The following PLCH1 variants were observed in gnomAD, a reference collection of about 807,000 sequenced individuals.
PLCH1 encodes phospholipase C eta 1.
In PLCH1, 60 loss-of-function variants were observed where a neutral mutation model predicts 126.7. That is an observed-to-expected ratio of 0.47 (90% CI 0.38 to 0.59). The LOEUF is 0.59. Ranked by LOEUF, PLCH1 falls within the 20% of genes least tolerant of loss-of-function variation. PLCH1 has a pLI of 0.00. For synonymous variants in PLCH1, 719 were observed against 734.9 expected, an observed-to-expected ratio of 0.98 and a Z score of 0.35; for missense variants, 1,723 against 2,040.0, an observed-to-expected ratio of 0.84 and a Z score of 2.99.
rs562367273 is a variant in PLCH1, at chr3:155,664,633, G to A, written c.79+39513C>T. The stretch of plus-strand genomic sequence containing the variant: ...ACTGACTGAATTTGGCCCACAGGGC[G>A]TAGTTTGCCAACTCTTGGTATTCAG... On this transcript the variant is annotated intron_variant, in intron 2 of 22. Coordinates refer to ENST00000460012, the MANE Select transcript of PLCH1 (RefSeq NM_014996.4). 3.9e-5 allele frequency among the ~76,000 whole-genome samples: 6 copies of A among 152,282 alleles called. No individual in the cohort carries two copies. The East Asian group carries it at 5.8e-4, about 15-fold the overall frequency.
chr3:155,635,604 T>C (rs1393592120), intron 2 of PLCH1, among the ~76,000 whole-genome samples: 2 of 152,222 alleles, frequency 1.3e-5, no homozygotes, highest in Admixed American at 6.5e-5. Flanking sequence ...GACATATGCT[T>C]CTTCTTAAAC....
intron 19 of PLCH1, 37 bp downstream of exon 19, chr3:155,490,747 A>T: frequency 8.9e-7 from 1 of 1,122,784 alleles, no homozygotes; most frequent in Non-Finnish European, 1.4e-6. Flanking sequence ...TTTCTAGACC[A>T]TCTTCATTAA....
intron 2 of PLCH1, among the ~76,000 whole-genome samples, chr3:155,604,229 A>C (rs1734090773): frequency 6.6e-6 from 1 of 152,156 alleles, no homozygotes; most frequent in African/African-American, 2.4e-5. Context: ...AAATGGCTTC[A>C]CTTAAAAAGC....
chr3:155,689,899 AAAGATATC>A (rs1745244253), intron 2 of PLCH1, among the ~76,000 whole-genome samples: 1 of 152,188 alleles, frequency 6.6e-6, no homozygotes, highest in Admixed American at 6.5e-5. Flanking sequence ...AAACCTAGGA[AAAGATATC>A]AACATTCAAG....
chr3:155,718,344 C>A (rs975457157), intron 1 of PLCH1, among the ~76,000 whole-genome samples: 2 of 152,186 alleles, frequency 1.3e-5, no homozygotes, highest in African/African-American at 2.4e-5. Flanking sequence ...ACTCTTTAAA[C>A]CTCTGCCTGT....
chr3:155,735,220 G>A (rs140267033), intron 1 of PLCH1, among the ~76,000 whole-genome samples: 3,173 of 152,292 alleles, frequency 0.021, 54 homozygotes, highest in Middle Eastern at 0.034. Context: ...TGACTGGGTG[G>A]CGGGTGGGGA....
intron 1 of PLCH1, among the ~76,000 whole-genome samples, chr3:155,739,582 A>C (rs540342246): frequency 6.6e-6 from 1 of 152,070 alleles, no homozygotes; most frequent in South Asian, 2.1e-4. Context: ...CTTATCAGAA[A>C]CTCTCTACCT....
At chr3:155,465,510 A>G (rs774887723) in intron 21 of PLCH1, among the ~76,000 whole-genome samples, 5 of 152,114 alleles carry the variant, frequency 3.3e-5, no homozygotes, top group Non-Finnish European at 4.4e-5. Context: ...GCCTTGGGTG[A>G]GCCTCTGAGA....
At chr3:155,609,582 G>A (rs371078079) in intron 2 of PLCH1, among the ~76,000 whole-genome samples, 10 of 151,896 alleles carry the variant, frequency 6.6e-5, no homozygotes, top group African/African-American at 2.4e-4. Context: ...TCATAAGGTA[G>A]GTCTATTATT....
At chr3:155,689,896 G>A (rs945400200) in intron 2 of PLCH1, among the ~76,000 whole-genome samples, 3 of 151,800 alleles carry the variant, frequency 2.0e-5, no homozygotes, top group African/African-American at 7.3e-5. Flanking sequence ...CCTAAACCTA[G>A]GAAAAGATAT....
At chr3:155,465,621 C>T (rs1311078084) in intron 21 of PLCH1, among the ~76,000 whole-genome samples, 1 of 152,032 alleles carries the variant, frequency 6.6e-6, no homozygotes, top group Non-Finnish European at 1.5e-5. Flanking sequence ...AAGGGACTCT[C>T]TCTTGCATCT....
chr3:155,573,420 G>C (rs1185132017), intron 6 of PLCH1, among the ~76,000 whole-genome samples: 1 of 152,196 alleles, frequency 6.6e-6, no homozygotes, highest in Non-Finnish European at 1.5e-5. Flanking sequence ...AGGGTGGCAA[G>C]TCAGACTGGG....
At chr3:155,645,960 G>A (rs936762055) in intron 2 of PLCH1, among the ~76,000 whole-genome samples, 1 of 152,166 alleles carries the variant, frequency 6.6e-6, no homozygotes, top group Admixed American at 6.5e-5. Context: ...AGCAGGATCT[G>A]GGGGGAAAGG....
chr3:155,680,606 T>C (rs539211724), intron 2 of PLCH1, among the ~76,000 whole-genome samples: 1 of 152,278 alleles, frequency 6.6e-6, no homozygotes, highest in Non-Finnish European at 1.5e-5. Context: ...TGTTAAGTTG[T>C]ACATTGAGAG....
chr3:155,546,636 C>G (rs980396983), intron 10 of PLCH1, among the ~76,000 whole-genome samples: 6 of 152,280 alleles, frequency 3.9e-5, no homozygotes, highest in African/African-American at 1.4e-4. Flanking sequence ...TGACTTCAAA[C>G]TATACTACAA....
At chr3:155,563,187 C>T (rs1727864470) in intron 8 of PLCH1, among the ~76,000 whole-genome samples, 1 of 152,096 alleles carries the variant, frequency 6.6e-6, no homozygotes, top group South Asian at 2.1e-4. Context: ...CCTCTTTTCC[C>T]CTTCTCTCTG....
intron 10 of PLCH1, among the ~76,000 whole-genome samples, chr3:155,541,829 C>A (rs145216193): frequency 9.4e-4 from 143 of 151,816 alleles, no homozygotes; most frequent in African/African-American, 3.3e-3. Flanking sequence ...CACACACACA[C>A]ACTCACACAA....
At chr3:155,532,597 T>C (rs1722848060) in intron 10 of PLCH1, among the ~76,000 whole-genome samples, 1 of 152,164 alleles carries the variant, frequency 6.6e-6, no homozygotes. Context: ...CAGGATCTGA[T>C]GACTTTATAA....
intron 11 of PLCH1, 23 bp downstream of exon 11, chr3:155,523,874 A>G: frequency 7.3e-7 from 1 of 1,362,220 alleles, no homozygotes; most frequent in Non-Finnish European, 1.0e-6. Context: ...AGGATAAAAA[A>G]TATGGTCATG....
Sources: gnomAD v4.1 joint callset for allele counts (sites outside exome capture counted in the v4.1 genomes callset) on GRCh38, gnomAD v4.1.1 for gene constraint, MANE v1.5 for transcripts, NCBI Gene and HGNC (gene_info 2026-07-23, HGNC 2026-07-21) for gene names.